Variants in HFE observed in about 807,000 individuals in gnomAD.
The protein encoded by HFE is homeostatic iron regulator, also known as hereditary hemochromatosis protein.
HFE carries 36 observed loss-of-function variants against 40.9 expected under a neutral mutation model. The ratio of observed to expected loss-of-function variants is 0.88; its 90% CI spans 0.67 to 1.16. HFE has a LOEUF of 1.16. HFE is among the 50% of genes most tolerant of loss of function. HFE has a pLI of 0.00. For missense variants in HFE, 376 were observed against 432.0 expected (o/e 0.87, Z 1.15); for synonymous variants, 157 against 165.4 (o/e 0.95, Z 0.39).
rs771784900 is a variant in HFE, at chr6:26,091,583, C to T, written c.610C>T (p.Gln204Ter). 1 of 1,612,802 alleles carries T rather than the reference C, an allele frequency of 6.2e-7. No individual in the cohort carries two copies. Among genetic ancestry groups the T allele is most frequent in the African/African-American group, 1.3e-5 (1 of 74,996 alleles). Residue 204 changes from glutamine to a stop codon, truncating the protein, a stop_gained, in exon 3 of 6, where the codon CAA becomes TAA. Coordinates refer to ENST00000357618, the MANE Select transcript of HFE (RefSeq NM_000410.4). LOFTEE classifies it high-confidence loss of function. ...LLELGRGVLD[Q>*]QVPPLVKVTH... is the part of the protein sequence containing the mutation. Reference sequence around the variant, plus strand: ...GGAGCTGGGGAGAGGTGTTTTGGACCAACAAGGTATGGTGGAAACACACTT... The same window carrying T: ...GGAGCTGGGGAGAGGTGTTTTGGACTAACAAGGTATGGTGGAAACACACTT...
chr6:26,095,451 T>G lies in HFE; in HGVS notation c.*1225T>G, dbSNP rs568379185. On this transcript the variant is annotated 3_prime_UTR_variant, in exon 6 of 6. Coordinates refer to ENST00000357618, the MANE Select transcript of HFE (RefSeq NM_000410.4). Reference sequence around the variant, plus strand: ...TTGCAGTGAGCCGAGTTTGCGCCACTGCACTCCAGCCTAGGTGACAGAGTG... The same window carrying G: ...TTGCAGTGAGCCGAGTTTGCGCCACGGCACTCCAGCCTAGGTGACAGAGTG... 1 of 150,924 alleles carries G rather than the reference T, an allele frequency of 6.6e-6. No homozygotes were observed. The highest frequency in any genetic ancestry group is 2.1e-4 in the South Asian group (1 of 4,802). 9.3% of individuals were successfully genotyped at this position (150,924 alleles called of 1,614,324 possible).
rs919114872 is a variant in HFE at position 26,095,682 on chromosome 6, G to A, written c.*1456G>A. 4.6e-5 allele frequency: 7 copies of A among 152,114 alleles called. No individual in the cohort carries two copies. The highest frequency in any genetic ancestry group is 1.4e-4 in the African/African-American group (6 of 41,388). The allele number at this position is 152,114 out of a possible 1,614,324, so 9.4% of individuals were successfully genotyped here. A position where few individuals can be genotyped will look rare whatever the true frequency, so the allele number is the denominator to read the frequency against. ...GAAGGAAGGAGATGGCTCTTCTCTT[G>A]TCTCATTGTGTTTCTTCTGAGTGAG... On this transcript the variant is annotated 3_prime_UTR_variant, in exon 6 of 6. Coordinates refer to ENST00000357618, the MANE Select transcript of HFE (RefSeq NM_000410.4).
chr6:26,093,351 C>A, intron 5 of HFE, 119 bp downstream of exon 5: 1 of 735,802 alleles, frequency 1.4e-6, no homozygotes, highest in Non-Finnish European at 2.4e-6. Flanking sequence ...TCTTTGGGGA[C>A]ACCAGCAGCT....
chr6:26,096,685 C>T lies in HFE; in HGVS notation c.*2459C>T, dbSNP rs576574070. On this transcript the variant is annotated 3_prime_UTR_variant, in exon 6 of 6. Coordinates refer to ENST00000357618, the MANE Select transcript of HFE (RefSeq NM_000410.4). Reference sequence around the variant, plus strand: ...GAAAAAAGTAAATGTGATTTACGCTCATTGTAGAAAAGCTATAAAATGAAT... The same window carrying T: ...GAAAAAAGTAAATGTGATTTACGCTTATTGTAGAAAAGCTATAAAATGAAT... The T allele has an allele frequency of 2.6e-5, 11 of 426,548 alleles. No individual in the cohort carries two copies. The highest frequency in any genetic ancestry group is 3.4e-5 in the South Asian group (2 of 58,596). 26.4% of individuals were successfully genotyped at this position (426,548 alleles called of 1,614,324 possible).
Position 26,090,999 on chromosome 6 carries a change from A to G in HFE, c.235A>G (p.Ile79Val). 3 of 1,614,140 alleles carry G rather than the reference A, an allele frequency of 1.9e-6. 1 individual carries two copies. In the South Asian group the frequency reaches 3.3e-5, roughly 18 times the overall value. The part of the protein sequence containing the change: ...EPRTPWVSSR[I>V]SSQMWLQLSQ... ...CCGAACTCCATGGGTTTCCAGTAGA[A>G]TTTCAAGCCAGATGTGGCTGCAGCT... Residue 79 changes from isoleucine to valine, a missense_variant, in exon 2 of 6, where the codon ATT becomes GTT. By Grantham distance (29) the Ile-to-Val change is conservative (BLOSUM62 3). This residue lies in a region of HFE where 200 missense variants were observed against 228.5 expected (regional missense o/e 0.88). Transcript: ENST00000357618.
chr6:26,089,108 T>TGGGGGGGGGGGGGGGGGGG (rs60292295), intron 1 of HFE, among the ~76,000 whole-genome samples: 1 of 56,360 alleles, frequency 1.8e-5, no homozygotes, highest in African/African-American at 8.0e-5. Context: ...TGTGTGTGTG[T>TGGGGGGGGGGGGGGGGGGG]GGGGGGGGGG....
At position 26,090,985 on chromosome 6, in the gene HFE, G is replaced by A. The variant is rs1762658380; in HGVS notation, c.221G>A (p.Trp74Ter). The A allele has an allele frequency of 6.2e-7, 1 of 1,614,062 alleles. No individual in the cohort carries two copies. Among genetic ancestry groups the A allele is most frequent in the African/African-American group, 1.3e-5 (1 of 74,912 alleles). The stretch of plus-strand genomic sequence containing the variant: ...CGCCGTGTGGAGCCCCGAACTCCAT[G>A]GGTTTCCAGTAGAATTTCAAGCCAG... ...ESRRVEPRTP[W>*]VSSRISSQMW... The change falls in exon 2 of 6, where the codon TGG (tryptophan) becomes TAG (stop). Residue 74 changes from tryptophan (W) to a stop codon, truncating the protein, a stop_gained. Transcript: ENST00000357618. LOFTEE classifies it high-confidence loss of function.
At position 26,093,172 on chromosome 6, in the gene HFE, T is replaced by A; in HGVS notation, c.946T>A (p.Phe316Ile). The change falls in exon 5 of 6, where the codon TTT becomes ATT. Residue 316 changes from phenylalanine (F) to isoleucine (I), a missense_variant. Phe to Ile is a conservative substitution (Grantham distance 21). Around this residue, in one of 3 missense-constraint regions of HFE, gnomAD observed 173 missense variants for 186.9 expected, o/e 0.93. Coordinates refer to ENST00000357618, the MANE Select transcript of HFE (RefSeq NM_000410.4). ...VIGVISGIAV[F>I]VVILFIGILF... ...TGGAGTCATCAGTGGAATTGCTGTT[T>A]TTGTCGTCATCTTGTTCATTGGAAT... is the stretch of plus-strand genomic sequence containing the variant. 1 of 1,614,114 alleles carries A rather than the reference T, an allele frequency of 6.2e-7. No homozygotes were observed.
intron 3 of HFE, 131 bp from the exon 4 acceptor site, chr6:26,092,552 GTC>G (rs1762795679): frequency 3.9e-6 from 6 of 1,527,606 alleles, no homozygotes; most frequent in East Asian, 2.3e-5. Context: ...ACAAAATGGT[GTC>G]TCTCCTGTAG....
chr6:26,095,247 T>G lies in HFE; in HGVS notation c.*1021T>G, dbSNP rs1300659263. The G allele has an allele frequency of 6.6e-6, 1 of 152,220 alleles. No individual in the cohort carries two copies. Among genetic ancestry groups the G allele is most frequent in the Non-Finnish European group, 1.5e-5 (1 of 68,076 alleles). The allele number at this position is 152,220 out of a possible 1,614,324, so 9.4% of individuals were successfully genotyped here. On this transcript the variant is annotated 3_prime_UTR_variant, in exon 6 of 6. Coordinates refer to ENST00000357618, the MANE Select transcript of HFE (RefSeq NM_000410.4). ...GCTCACGCCTGTAATCCCAGCACTT[T>G]GGGAGGCCAAAGCGGGTGGATCACG...
At chr6:26,092,131 G>A (rs1266982216) in intron 3 of HFE, among the ~76,000 whole-genome samples, 5 of 143,876 alleles carry the variant, frequency 3.5e-5, no homozygotes, top group African/African-American at 7.8e-5. Context: ...CCAAGATCGC[G>A]CCACTGCACT....
intron 3 of HFE, 98 bp from the exon 4 acceptor site, chr6:26,092,587 A>C: frequency 6.2e-7 from 1 of 1,610,316 alleles, no homozygotes; most frequent in South Asian, 1.1e-5. Context: ...TGAAAAGGGT[A>C]TTTCCTTCCT....
rs1161539562 is a variant in HFE, at chr6:26,091,297, G to C, written c.341-17G>C. ...TATTCCTTTGGTTGCAGTTAACAAGGCTGGGGATTTTTCCAGAGTCCCACA... is the reference window on the plus strand; with the variant it reads ...TATTCCTTTGGTTGCAGTTAACAAGCCTGGGGATTTTTCCAGAGTCCCACA... On this transcript the variant is annotated splice_polypyrimidine_tract_variant and intron_variant, in intron 2 of 5. Coordinates refer to ENST00000357618, the MANE Select transcript of HFE (RefSeq NM_000410.4). 5.0e-6 allele frequency: 8 copies of C among 1,614,028 alleles called. 1 individual carries two copies. The highest frequency in any genetic ancestry group is 2.2e-5 in the South Asian group (2 of 91,082).
At position 26,091,379 on chromosome 6, in the gene HFE, T is replaced by G; in HGVS notation, c.406T>G (p.Trp136Gly). ...MQEDNSTEGY[W>G]KYGYDGQDHL... ...AGAAGACAACAGTACCGAGGGCTACTGGAAGTACGGGTATGATGGGCAGGA... is the reference window on the plus strand; with the variant it reads ...AGAAGACAACAGTACCGAGGGCTACGGGAAGTACGGGTATGATGGGCAGGA... Residue 136 changes from tryptophan (W) to glycine (G), a missense_variant, in exon 3 of 6, where the codon TGG (tryptophan) becomes GGG (glycine). Trp to Gly is a radical substitution (Grantham distance 184, BLOSUM62 -2). Coordinates refer to ENST00000357618, the MANE Select transcript of HFE (RefSeq NM_000410.4). The G allele has an allele frequency of 6.2e-7, 1 of 1,614,186 alleles. No individual in the cohort carries two copies. Among genetic ancestry groups the G allele is most frequent in the Non-Finnish European group, 8.5e-7 (1 of 1,180,018 alleles).
At chr6:26,091,719 C>A in intron 3 of HFE, 130 bp downstream of exon 3, 2 of 880,532 alleles carry the variant, frequency 2.3e-6, no homozygotes, top group Non-Finnish European at 3.7e-6. Flanking sequence ...TGGGAAGGGA[C>A]TTTCTCAATC....
intron 3 of HFE, chr6:26,092,469 AT>A: frequency 1.4e-6 from 1 of 739,660 alleles, no homozygotes. Context: ...AGATATGTAT[AT>A]TTACATGTGA....
Position 26,090,999 on chromosome 6 carries a change from A to T in HFE, c.235A>T (p.Ile79Phe), listed in dbSNP as rs764343840. 9.9e-6 allele frequency: 16 copies of T among 1,614,140 alleles called. No homozygotes were observed. The South Asian group carries it at 1.6e-4, about 17-fold the overall frequency. The change falls in exon 2 of 6, where the codon ATT becomes TTT. Residue 79 changes from isoleucine to phenylalanine, a missense_variant. Around this residue, in one of 3 missense-constraint regions of HFE, gnomAD observed 200 missense variants for 228.5 expected, o/e 0.88. Transcript: ENST00000357618. ...CCGAACTCCATGGGTTTCCAGTAGA[A>T]TTTCAAGCCAGATGTGGCTGCAGCT... ...EPRTPWVSSR[I>F]SSQMWLQLSQ... is the part of the protein sequence containing the mutation.
chr6:26,089,233 A>G (rs1276463511), intron 1 of HFE, among the ~76,000 whole-genome samples: 2 of 152,014 alleles, frequency 1.3e-5, no homozygotes, highest in Non-Finnish European at 2.9e-5. Context: ...ACAACCAAAA[A>G]TGTCTCTAAA....
rs149342416 is a variant in HFE, at chr6:26,087,458, G to C, written c.18G>C (p.Arg6Ser). The C allele has an allele frequency of 1.0e-3, 1,658 of 1,614,002 alleles. No homozygotes were observed. Among genetic ancestry groups the C allele is most frequent in the Non-Finnish European group, 1.3e-3 (1,512 of 1,180,002 alleles). MGPRA[R>S]PALLLLMLLQ... ...CTGGGGAAATGGGCCCGCGAGCCAGGCCGGCGCTTCTCCTCCTGATGCTTT... is the reference window on the plus strand; with the variant it reads ...CTGGGGAAATGGGCCCGCGAGCCAGCCCGGCGCTTCTCCTCCTGATGCTTT... The change falls in exon 1 of 6, where the codon AGG (arginine) becomes AGC (serine). Residue 6 changes from arginine (R) to serine (S), a missense_variant. Arg to Ser is a moderately radical substitution (Grantham distance 110, BLOSUM62 -1). Around this residue, in one of 3 missense-constraint regions of HFE, gnomAD observed 200 missense variants for 228.5 expected, o/e 0.88. Transcript: ENST00000357618.
Sources: gnomAD v4.1 joint callset for allele counts (sites outside exome capture counted in the v4.1 genomes callset) on GRCh38, gnomAD v4.1.1 for gene constraint, gnomAD v4.1.1 regional missense constraint, MANE v1.5 for transcripts, NCBI Gene and HGNC (gene_info 2026-07-23, HGNC 2026-07-21) for gene names.